Variants in RGS7 observed in about 807,000 individuals in gnomAD.
RGS7 encodes regulator of G-protein signaling 7.
RGS7 carries 27 observed loss-of-function variants against 81.1 expected under a neutral mutation model. The observed-to-expected ratio is 0.33, with a 90% CI of 0.25 to 0.46. The LOEUF is 0.46. Ranked by LOEUF, RGS7 falls within the 20% of genes least tolerant of loss-of-function variation. RGS7 has a pLI of 1.00. For missense variants in RGS7, 396 were observed against 607.4 expected (o/e 0.65, Z 3.66); for synonymous variants, 208 against 207.7 (o/e 1.00, Z -0.01).
intron 9 of RGS7, among the ~76,000 whole-genome samples, chr1:240,832,272 A>G (rs542675926): frequency 1.3e-5 from 2 of 152,312 alleles, no homozygotes; most frequent in East Asian, 3.9e-4. Flanking sequence ...AGCACATAGT[A>G]TTGTTGGATG....
intron 9 of RGS7, among the ~76,000 whole-genome samples, chr1:240,863,289 C>T (rs904507391): frequency 4.6e-5 from 7 of 152,084 alleles, no homozygotes; most frequent in African/African-American, 7.2e-5. Flanking sequence ...GCCTGGCCAA[C>T]ATGGTGAAAC....
chr1:240,985,561 T>C (rs1221779316), intron 3 of RGS7, among the ~76,000 whole-genome samples: 1 of 152,226 alleles, frequency 6.6e-6, no homozygotes, highest in African/African-American at 2.4e-5. Context: ...AAGTGTATTC[T>C]CAGTTCAGCT....
intron 10 of RGS7, chr1:240,823,552 T>C: frequency 6.1e-6 from 1 of 162,742 alleles, no homozygotes. Context: ...GACATGGCCG[T>C]GAGCTCTGCC....
chr1:240,806,088 C>G (rs183436798), intron 15 of RGS7, 52 bp downstream of exon 15: 1 of 1,484,188 alleles, frequency 6.7e-7, no homozygotes. Context: ...ATACATCTAA[C>G]GCTCAACTTC....
intron 3 of RGS7, among the ~76,000 whole-genome samples, chr1:240,999,201 C>T (rs1219356185): frequency 6.6e-6 from 1 of 151,388 alleles, no homozygotes; most frequent in Admixed American, 6.6e-5. Context: ...AGTTTATTTC[C>T]TGAGGCCTTC....
chr1:240,781,033 A>T (rs1683961540), intron 18 of RGS7, among the ~76,000 whole-genome samples: 1 of 89,214 alleles, frequency 1.1e-5, no homozygotes, highest in Non-Finnish European at 2.1e-5. Flanking sequence ...ATCAATTTAT[A>T]AAAAAAAAAA....
chr1:241,032,924 A>G (rs2060148241), intron 3 of RGS7, among the ~76,000 whole-genome samples: 1 of 152,144 alleles, frequency 6.6e-6, no homozygotes, highest in South Asian at 2.1e-4. Flanking sequence ...ATTGTCAGCA[A>G]GCAGAGATAA....
intron 3 of RGS7, among the ~76,000 whole-genome samples, chr1:241,028,991 G>T (rs552170926): frequency 3.9e-5 from 6 of 152,254 alleles, no homozygotes; most frequent in African/African-American, 1.4e-4. Context: ...AGGAAGAAAG[G>T]ATGTTCCAGC....
rs180754356 is a variant in RGS7 at position 241,175,370 on chromosome 1, C to T, written c.79-76608G>A. Reference sequence around the variant, plus strand: ...CGCTGCTACAGTGTAGGTACTTCAGCCATCACAGATTTGGATGGGACTTGT... The same window carrying T: ...CGCTGCTACAGTGTAGGTACTTCAGTCATCACAGATTTGGATGGGACTTGT... On this transcript the variant is annotated intron_variant, in intron 2 of 18. Coordinates refer to ENST00000440928, the MANE Select transcript of RGS7 (RefSeq NM_001364886.1). Among the ~76,000 whole-genome samples, 219 of 152,218 alleles carry T rather than the reference C, an allele frequency of 1.4e-3. 1 individual carries two copies. The highest frequency in any genetic ancestry group is 2.7e-3 in the Non-Finnish European group (182 of 68,012).
intron 2 of RGS7, among the ~76,000 whole-genome samples, chr1:241,100,420 A>G (rs1258237363): frequency 1.3e-5 from 2 of 152,000 alleles, no homozygotes; most frequent in Admixed American, 1.3e-4. Context: ...TAGCTTTAGA[A>G]TGGTTTTCAG....
At chr1:240,909,057 G>A (rs574802477) in intron 6 of RGS7, among the ~76,000 whole-genome samples, 3 of 152,334 alleles carry the variant, frequency 2.0e-5, no homozygotes, top group East Asian at 3.9e-4. Flanking sequence ...TCACAAAGTT[G>A]TGAATGCACA....
rs995593590 is a variant in RGS7 at position 240,923,668 on chromosome 1, T to C, written c.385+7049A>G. ...TGTAGAGGCCCTCTTACAGCTCTTATAAAACAAGCAACTGTGTAAATTAAA... is the reference window on the plus strand; with the variant it reads ...TGTAGAGGCCCTCTTACAGCTCTTACAAAACAAGCAACTGTGTAAATTAAA... On this transcript the variant is annotated intron_variant, in intron 6 of 18. Transcript: ENST00000440928. 2.7e-5 allele frequency among the ~76,000 whole-genome samples: 4 copies of C among 149,258 alleles called. No homozygotes were observed. In the East Asian group the frequency reaches 7.9e-4, roughly 29 times the overall value.
At chr1:240,776,374 T>G in intron 18 of RGS7, among the ~76,000 whole-genome samples, 161 bp from the exon 19 acceptor site, 1 of 149,330 alleles carries the variant, frequency 6.7e-6, no homozygotes, top group African/African-American at 2.5e-5. Flanking sequence ...CAACCTGCCT[T>G]CCCCCCTCCC....
At chr1:240,931,440 T>C (rs998264907) in intron 5 of RGS7, among the ~76,000 whole-genome samples, 1 of 152,214 alleles carries the variant, frequency 6.6e-6, no homozygotes, top group African/African-American at 2.4e-5. Context: ...GTAACTGGAT[T>C]GTTTGTAACA....
At chr1:241,133,224 A>G (rs150043003) in intron 2 of RGS7, among the ~76,000 whole-genome samples, 1 of 152,214 alleles carries the variant, frequency 6.6e-6, no homozygotes, top group African/African-American at 2.4e-5. Flanking sequence ...TAAGAGAAAA[A>G]CCATTTTTAC....
At chr1:240,892,285 T>A (rs1668404180) in intron 6 of RGS7, among the ~76,000 whole-genome samples, 1 of 152,180 alleles carries the variant, frequency 6.6e-6, no homozygotes, top group East Asian at 1.9e-4. Flanking sequence ...GCTTTCATCA[T>A]CTGGAAATTT....
chr1:241,274,143 A>G (rs1389607259), intron 2 of RGS7, among the ~76,000 whole-genome samples: 1 of 152,126 alleles, frequency 6.6e-6, no homozygotes, highest in Non-Finnish European at 1.5e-5. Flanking sequence ...GTCTGGCTTG[A>G]TATTAAGGTT....
intron 3 of RGS7, among the ~76,000 whole-genome samples, chr1:241,089,605 AT>A (rs1221071114): frequency 6.6e-6 from 1 of 152,128 alleles, no homozygotes; most frequent in Non-Finnish European, 1.5e-5. Context: ...CTAATCCTCC[AT>A]TTTTGTATAA....
intron 2 of RGS7, among the ~76,000 whole-genome samples, chr1:241,107,712 C>T (rs1279815290): frequency 6.6e-6 from 1 of 152,160 alleles, no homozygotes; most frequent in Non-Finnish European, 1.5e-5. Flanking sequence ...AAATTCTACA[C>T]TTAATCATAT....
Sources: allele counts gnomAD v4.1 joint callset (sites outside exome capture counted in the v4.1 genomes callset), GRCh38; gene constraint gnomAD v4.1.1; transcripts MANE v1.5; gene names NCBI Gene and HGNC (gene_info 2026-07-23, HGNC 2026-07-21).